The following ADGRB3 variants were observed in gnomAD, a reference collection of about 807,000 sequenced individuals.
The protein encoded by ADGRB3 is adhesion G protein-coupled receptor B3.
ADGRB3 carries 37 observed loss-of-function variants against 193.4 expected under a neutral mutation model. The observed-to-expected ratio is 0.19, with a 90% CI of 0.15 to 0.25. The LOEUF (loss-of-function observed/expected upper bound fraction) is 0.25, where lower values mean the gene tolerates loss of function less well. ADGRB3 is among the 10% of genes least tolerant of loss of function. ADGRB3 has a pLI of 1.00. For synonymous variants in ADGRB3, 690 were observed against 644.2 expected, an observed-to-expected ratio of 1.07 and a Z score of -1.08; for missense variants, 1,637 against 1,852.9, an observed-to-expected ratio of 0.88 and a Z score of 2.14.
chr6:68,946,225 A>G (rs1211520204), intron 6 of ADGRB3, among the ~76,000 whole-genome samples: 1 of 152,086 alleles, frequency 6.6e-6, no homozygotes, highest in Non-Finnish European at 1.5e-5. Flanking sequence ...GTGCCAAAAA[A>G]ATCGACGTTA....
chr6:68,917,645 C>T (rs1259429068), intron 3 of ADGRB3, among the ~76,000 whole-genome samples: 1 of 151,962 alleles, frequency 6.6e-6, no homozygotes, highest in African/African-American at 2.4e-5. Flanking sequence ...CTCTAAAGTG[C>T]CTTATCCATT....
At chr6:68,765,394 T>C (rs1009267307) in intron 3 of ADGRB3, among the ~76,000 whole-genome samples, 6 of 152,130 alleles carry the variant, frequency 3.9e-5, no homozygotes, top group Admixed American at 3.9e-4. Flanking sequence ...TGCATAGGCA[T>C]TAAAGATCAT....
chr6:68,966,655 G>C lies in ADGRB3; in HGVS notation c.1526-8108G>C, dbSNP rs534025913. 7.2e-5 allele frequency among the ~76,000 whole-genome samples: 11 copies of C among 152,290 alleles called. 1 individual carries two copies. In the South Asian group the frequency reaches 1.9e-3, roughly 26 times the overall value. Reference sequence around the variant, plus strand: ...CACACTCTTCCCTAAGGTACTCCCAGAGCAGCCAGGGCTTCTCAGCTTAGA... The same window carrying C: ...CACACTCTTCCCTAAGGTACTCCCACAGCAGCCAGGGCTTCTCAGCTTAGA... On this transcript the variant is annotated intron_variant, in intron 8 of 31. Transcript: ENST00000370598.
intron 17 of ADGRB3, among the ~76,000 whole-genome samples, chr6:69,090,601 A>C (rs887253552): frequency 6.6e-6 from 1 of 152,212 alleles, no homozygotes; most frequent in Non-Finnish European, 1.5e-5. Context: ...GGTACTGGGG[A>C]CACAAATAGT....
intron 17 of ADGRB3, among the ~76,000 whole-genome samples, chr6:69,146,629 G>T (rs1356628261): frequency 6.6e-6 from 1 of 152,296 alleles, no homozygotes; most frequent in East Asian, 1.9e-4. Flanking sequence ...GCTACCACTG[G>T]CTCCTTGGAG....
chr6:68,651,589 T>A (rs1358822926), intron 3 of ADGRB3, among the ~76,000 whole-genome samples: 1 of 152,130 alleles, frequency 6.6e-6, no homozygotes, highest in African/African-American at 2.4e-5. Context: ...AGAGCAGAAG[T>A]TGATCCACTA....
chr6:69,263,482 G>T (rs1766972385), intron 20 of ADGRB3, among the ~76,000 whole-genome samples: 1 of 151,916 alleles, frequency 6.6e-6, no homozygotes, highest in Admixed American at 6.6e-5. Context: ...CATCATTCAG[G>T]TTTCCTAACA....
intron 3 of ADGRB3, among the ~76,000 whole-genome samples, chr6:68,653,781 TGAAAGGTAA>T (rs943129795): frequency 6.6e-6 from 1 of 152,026 alleles, no homozygotes; most frequent in African/African-American, 2.4e-5. Context: ...GTGGTTTTGC[TGAAAGGTAA>T]GAACTTGTCC....
At chr6:69,151,070 T>C (rs1774664513) in intron 17 of ADGRB3, among the ~76,000 whole-genome samples, 1 of 152,134 alleles carries the variant, frequency 6.6e-6, no homozygotes, top group Admixed American at 6.6e-5. Flanking sequence ...CTGCCTAGGT[T>C]TGGGGAAGGG....
At chr6:68,861,779 A>G (rs901642520) in intron 3 of ADGRB3, among the ~76,000 whole-genome samples, 19 of 152,170 alleles carry the variant, frequency 1.2e-4, no homozygotes, top group Non-Finnish European at 1.2e-4. Flanking sequence ...GTCAAATGTT[A>G]TCTGTTCAAA....
intron 17 of ADGRB3, among the ~76,000 whole-genome samples, chr6:69,145,903 T>C (rs1271818323): frequency 6.6e-6 from 1 of 152,078 alleles, no homozygotes; most frequent in East Asian, 1.9e-4. Flanking sequence ...TGGGGTTTTA[T>C]GCACTTCAGA....
intron 17 of ADGRB3, among the ~76,000 whole-genome samples, chr6:69,195,459 A>C (rs1765275569): frequency 6.8e-6 from 1 of 146,774 alleles, no homozygotes; most frequent in South Asian, 2.3e-4. Flanking sequence ...CAGGAGTTGG[A>C]GGCTGCAATA....
intron 3 of ADGRB3, among the ~76,000 whole-genome samples, chr6:68,909,588 A>T (rs1446333235): frequency 1.3e-5 from 2 of 152,164 alleles, no homozygotes; most frequent in Non-Finnish European, 2.9e-5. Flanking sequence ...AAAGGAAGAA[A>T]ATGTTGACAG....
At chr6:69,160,116 G>T (rs1774944112) in intron 17 of ADGRB3, among the ~76,000 whole-genome samples, 1 of 152,056 alleles carries the variant, frequency 6.6e-6, no homozygotes, top group African/African-American at 2.4e-5. Flanking sequence ...TATTCTGACA[G>T]GTCTTCCTGA....
intron 30 of ADGRB3, among the ~76,000 whole-genome samples, chr6:69,374,339 G>A (rs1277530591): frequency 6.6e-6 from 1 of 152,022 alleles, no homozygotes; most frequent in East Asian, 1.9e-4. Flanking sequence ...TGGTTCTTGA[G>A]GGAAAGTCCA....
At chr6:68,830,405 G>A (rs1344915736) in intron 3 of ADGRB3, among the ~76,000 whole-genome samples, 5 of 152,056 alleles carry the variant, frequency 3.3e-5, no homozygotes, top group African/African-American at 1.2e-4. Context: ...CTGTCCAAAA[G>A]CAATATATAG....
chr6:68,982,732 T>C (rs3798988), intron 10 of ADGRB3, among the ~76,000 whole-genome samples: 87,195 of 151,860 alleles, frequency 0.57, 25,417 homozygotes, highest in East Asian at 0.69. Flanking sequence ...CAGCAAATGT[T>C]TCACGAGAAA....
intron 26 of ADGRB3, among the ~76,000 whole-genome samples, chr6:69,347,256 A>G (rs1479449698): frequency 6.6e-6 from 1 of 152,174 alleles, no homozygotes; most frequent in Non-Finnish European, 1.5e-5. Flanking sequence ...TACCTAATGT[A>G]GATGATGGGT....
At chr6:69,067,556 C>T (rs556263984) in intron 16 of ADGRB3, among the ~76,000 whole-genome samples, 6 of 152,202 alleles carry the variant, frequency 3.9e-5, no homozygotes, top group African/African-American at 1.4e-4. Flanking sequence ...TTAAAAATCA[C>T]TTGGCAAAAC....
Sources: gnomAD v4.1 joint callset for allele counts (sites outside exome capture counted in the v4.1 genomes callset) on GRCh38, gnomAD v4.1.1 for gene constraint, MANE v1.5 for transcripts, NCBI Gene and HGNC (gene_info 2026-07-23, HGNC 2026-07-21) for gene names.